The following PPP1R14D variants were observed in gnomAD, a reference collection of about 807,000 sequenced individuals.
PPP1R14D encodes protein phosphatase 1 regulatory subunit 14D.
In PPP1R14D, 14 loss-of-function variants were observed where a neutral mutation model predicts 17.1. The ratio of observed to expected loss-of-function variants is 0.82; its 90% confidence interval spans 0.54 to 1.28. The LOEUF (loss-of-function observed/expected upper bound fraction) is 1.28, where lower values mean the gene tolerates loss of function less well. Among genes scored for constraint, PPP1R14D ranks in the 50% most tolerant of loss-of-function variants. PPP1R14D has a pLI of 0.00. For missense variants in PPP1R14D, 173 were observed against 179.2 expected, an observed-to-expected ratio of 0.97 and a Z score of 0.20; for synonymous variants, 67 against 66.1, an observed-to-expected ratio of 1.01 and a Z score of -0.06.
chr15:40,824,938 C>T (rs1034927639), intron 1 of PPP1R14D, among the ~76,000 whole-genome samples: 1 of 152,006 alleles, frequency 6.6e-6, no homozygotes, highest in African/African-American at 2.4e-5. Context: ...GTAAATAAGG[C>T]TGTGAGTGTG....
intron 1 of PPP1R14D, among the ~76,000 whole-genome samples, chr15:40,825,054 C>A (rs961093693): frequency 6.6e-6 from 1 of 152,028 alleles, no homozygotes; most frequent in Non-Finnish European, 1.5e-5. Flanking sequence ...GAGGCTGAGG[C>A]GGGTGGGTCA....
chr15:40,828,466 A>G lies in PPP1R14D; in HGVS notation c.176T>C (p.Val59Ala). 1.9e-6 allele frequency: 3 copies of G among 1,614,020 alleles called. No individual in the cohort carries two copies. Among genetic ancestry groups the G allele is most frequent in the Non-Finnish European group, 2.5e-6 (3 of 1,179,996 alleles). Residue 59 changes from valine (V) to alanine (A), a missense_variant, in exon 1 of 4, where the codon GTG becomes GCG. By Grantham distance (64) the Val-to-Ala change is moderately conservative. Transcript: ENST00000299174. The part of the protein sequence containing the change: ...PRSRRPSRLT[V>A]KYDRGQLQRW... ...CTGGAGCTGGCCCCGGTCATACTTC[A>G]CTGTCAGGCGGCTGGGTCTCCGGGA...
intron 1 of PPP1R14D, among the ~76,000 whole-genome samples, chr15:40,827,364 C>T (rs1478260714): frequency 1.3e-5 from 2 of 152,110 alleles, no homozygotes; most frequent in African/African-American, 2.4e-5. Flanking sequence ...CAAAATTAGT[C>T]GGGCACAGTG....
intron 1 of PPP1R14D, among the ~76,000 whole-genome samples, chr15:40,825,686 G>C (rs530429344): frequency 6.6e-6 from 1 of 152,226 alleles, no homozygotes; most frequent in African/African-American, 2.4e-5. Flanking sequence ...TAAGGCTGGA[G>C]ACTGTGCTGT....
In PPP1R14D at chr15:40,825,863, G is replaced by A. The variant is rs114946488; in HGVS notation, c.255+2524C>T. Among the ~76,000 whole-genome samples the A allele has an allele frequency of 3.9e-3, 592 of 152,258 alleles. 3 individuals carry two copies. The highest frequency in any genetic ancestry group is 0.014 in the African/African-American group (565 of 41,548). ...TTTATTCCAGTCATTGCCTGGGAAC[G>A]CTCCTTCCACATGTCTTGCTTTCTG... On this transcript the variant is annotated intron_variant, in intron 1 of 3. Transcript: ENST00000299174.
chr15:40,815,634 A>C lies in PPP1R14D; in HGVS notation c.*62T>G. The C allele has an allele frequency of 6.3e-7, 1 of 1,580,714 alleles. No homozygotes were observed. The highest frequency in any genetic ancestry group is 8.6e-7 in the Non-Finnish European group (1 of 1,162,138). ...CCAAGGAGCTATTTCCCTCTTAGCCAGGATCTGGAGTTTCAGGGCAGGCCT... is the reference window on the plus strand; with the variant it reads ...CCAAGGAGCTATTTCCCTCTTAGCCCGGATCTGGAGTTTCAGGGCAGGCCT... On this transcript the variant is annotated 3_prime_UTR_variant, in exon 4 of 4. Transcript: ENST00000299174.
At chr15:40,824,537 A>AT (rs889901242) in intron 1 of PPP1R14D, among the ~76,000 whole-genome samples, 5 of 151,706 alleles carry the variant, frequency 3.3e-5, no homozygotes, top group African/African-American at 7.3e-5. Context: ...CACCCTGCTA[A>AT]TTTTTTGTAT....
At chr15:40,815,797 T>C (rs903477580) in intron 3 of PPP1R14D, 36 bp from the exon 4 acceptor site, 10 of 1,563,554 alleles carry the variant, frequency 6.4e-6, no homozygotes, top group Non-Finnish European at 8.7e-6. Flanking sequence ...AGGCTTGGGG[T>C]CACAATTCAC....
chr15:40,815,772 A>T lies in PPP1R14D; in HGVS notation c.373-11T>A. On this transcript the variant is annotated splice_polypyrimidine_tract_variant and intron_variant, in intron 3 of 3. Coordinates refer to ENST00000299174, the MANE Select transcript of PPP1R14D (RefSeq NM_017726.8). The stretch of plus-strand genomic sequence containing the variant: ...CTCAGAGATAAAAGCCTGAGGGAGA[A>T]ACAGGAGTGAGACCAGGCTTGGGGT... 1 of 1,601,724 alleles carries T rather than the reference A, an allele frequency of 6.2e-7. No individual in the cohort carries two copies.
intron 3 of PPP1R14D, 82 bp from the exon 4 acceptor site, chr15:40,815,843 T>C: frequency 9.4e-6 from 8 of 850,706 alleles, no homozygotes; most frequent in South Asian, 2.9e-5. Flanking sequence ...CCCCTGCCCC[T>C]GACTCCCCAG....
chr15:40,820,687 C>T (rs1174042675), intron 1 of PPP1R14D, among the ~76,000 whole-genome samples: 5 of 150,506 alleles, frequency 3.3e-5, no homozygotes, highest in Non-Finnish European at 5.9e-5. Flanking sequence ...ATGGTGAACC[C>T]CGTCTCTACT....
intron 1 of PPP1R14D, among the ~76,000 whole-genome samples, chr15:40,816,761 C>A (rs924423965): frequency 1.3e-5 from 2 of 151,748 alleles, no homozygotes; most frequent in African/African-American, 4.8e-5. Flanking sequence ...TGTTAAGGGA[C>A]TGTTACCCAA....
At chr15:40,820,784 C>T (rs1343384545) in intron 1 of PPP1R14D, among the ~76,000 whole-genome samples, 1 of 151,788 alleles carries the variant, frequency 6.6e-6, no homozygotes, top group Non-Finnish European at 1.5e-5. Flanking sequence ...TGGCTTGAAC[C>T]CGGGAGGTGG....
chr15:40,823,351 TC>T (rs1311590013), intron 1 of PPP1R14D, among the ~76,000 whole-genome samples: 1 of 152,026 alleles, frequency 6.6e-6, no homozygotes, highest in Non-Finnish European at 1.5e-5. Flanking sequence ...CAAGCAATCC[TC>T]CTGCCTCGGC....
chr15:40,818,288 C>CAAAAAAAA (rs764375543), intron 1 of PPP1R14D, among the ~76,000 whole-genome samples: 1 of 37,114 alleles, frequency 2.7e-5, no homozygotes, highest in Non-Finnish European at 5.6e-5. Flanking sequence ...GACTCCATCT[C>CAAAAAAAA]AAAAAAAAAA....
In PPP1R14D at chr15:40,828,552, T is replaced by G; in HGVS notation, c.90A>C (p.Arg30Ser). ...CKKVHWASGRRRTSSTDSESK... is the reference protein window; with the variant it reads ...CKKVHWASGRSRTSSTDSESK... ...ACTCTGAGTCTGTGGATGATGTCCT[T>G]CTCCTCCCAGAAGCCCAGTGGACCT... Residue 30 changes from arginine to serine, a missense_variant, in exon 1 of 4, where the codon AGA (arginine) becomes AGC (serine). By Grantham distance (110) the Arg-to-Ser change is moderately radical. Coordinates refer to ENST00000299174, the MANE Select transcript of PPP1R14D (RefSeq NM_017726.8). 1 of 1,614,142 alleles carries G rather than the reference T, an allele frequency of 6.2e-7. No individual in the cohort carries two copies. The highest frequency in any genetic ancestry group is 8.5e-7 in the Non-Finnish European group (1 of 1,180,022).
At chr15:40,821,335 A>AAAAC (rs554544484) in intron 1 of PPP1R14D, among the ~76,000 whole-genome samples, 1 of 152,204 alleles carries the variant, frequency 6.6e-6, no homozygotes, top group South Asian at 2.1e-4. Flanking sequence ...AGTCTGTCTC[A>AAAAC]AAACAAACAA....
chr15:40,827,247 G>A (rs1026382278), intron 1 of PPP1R14D, among the ~76,000 whole-genome samples: 1 of 152,098 alleles, frequency 6.6e-6, no homozygotes. Flanking sequence ...GGTGGCTCAC[G>A]CCTGTAATCC....
chr15:40,828,448 T>C lies in PPP1R14D; in HGVS notation c.194A>G (p.Gln65Arg). The C allele has an allele frequency of 1.2e-6, 2 of 1,614,132 alleles. No individual in the cohort carries two copies. The highest frequency in any genetic ancestry group is 1.7e-6 in the Non-Finnish European group (2 of 1,180,006). Residue 65 changes from glutamine to arginine, a missense_variant, in exon 1 of 4, where the codon CAG (glutamine) becomes CGG (arginine). Physicochemically the swap from Gln to Arg is conservative, Grantham distance 43. Coordinates refer to ENST00000299174, the MANE Select transcript of PPP1R14D (RefSeq NM_017726.8). ...SRLTVKYDRG[Q>R]LQRWLEMEQW... ...CTCCATCTCCAGCCAGCGCTGGAGCTGGCCCCGGTCATACTTCACTGTCAG... is the reference window on the plus strand; with the variant it reads ...CTCCATCTCCAGCCAGCGCTGGAGCCGGCCCCGGTCATACTTCACTGTCAG...
Sources: gnomAD v4.1 joint callset for allele counts (sites outside exome capture counted in the v4.1 genomes callset) on GRCh38, gnomAD v4.1.1 for gene constraint, MANE v1.5 for transcripts, NCBI Gene and HGNC (gene_info 2026-07-23, HGNC 2026-07-21) for gene names.